The following PRKG1 variants were observed in gnomAD, a reference collection of about 807,000 sequenced individuals.
PRKG1 encodes the protein protein kinase cGMP-dependent 1, also known as cGMP-dependent protein kinase 1.
PRKG1 carries 35 observed loss-of-function variants against 88.1 expected under a neutral mutation model. The observed-to-expected ratio is 0.40, with a 90% CI of 0.30 to 0.53. PRKG1 has a LOEUF of 0.53. PRKG1 is among the 20% of genes least tolerant of loss of function. The probability of loss-of-function intolerance (pLI) is 0.59; values close to 1 mark genes in which losing one functional copy is unlikely to be tolerated. For synonymous variants in PRKG1, 303 were observed against 292.5 expected, an observed-to-expected ratio of 1.04 and a Z score of -0.37; for missense variants, 540 against 839.8, an observed-to-expected ratio of 0.64 and a Z score of 4.41.
At chr10:51,588,250 A>G (rs1335466475) in intron 3 of PRKG1, among the ~76,000 whole-genome samples, 2 of 152,198 alleles carry the variant, frequency 1.3e-5, no homozygotes, top group African/African-American at 4.8e-5. Flanking sequence ...GTTTTGGTAC[A>G]TCTTGGAAAA....
At chr10:52,131,039 A>G (rs1313137333) in intron 7 of PRKG1, among the ~76,000 whole-genome samples, 8 of 152,198 alleles carry the variant, frequency 5.3e-5, no homozygotes, top group African/African-American at 2.4e-5. Flanking sequence ...CATTTTACAG[A>G]TGAGGAAATT....
chr10:51,948,086 G>T (rs1843095591), intron 5 of PRKG1, among the ~76,000 whole-genome samples: 1 of 151,768 alleles, frequency 6.6e-6, no homozygotes, highest in South Asian at 2.1e-4. Flanking sequence ...TATTTTTGAT[G>T]AAAGAATAGA....
At chr10:51,578,419 C>T (rs548719017) in intron 3 of PRKG1, among the ~76,000 whole-genome samples, 93 of 152,232 alleles carry the variant, frequency 6.1e-4, no homozygotes, top group Admixed American at 1.0e-3. Context: ...ATTCTTCTGT[C>T]CAATCCTCAT....
chr10:51,698,303 C>A, intron 3 of PRKG1: 1 of 1,614,122 alleles, frequency 6.2e-7, no homozygotes, highest in Non-Finnish European at 8.5e-7. Flanking sequence ...CTCCATCGCT[C>A]GAGAATCTCT....
intron 3 of PRKG1, among the ~76,000 whole-genome samples, chr10:51,579,205 C>T (rs2132182746): frequency 6.6e-6 from 1 of 151,882 alleles, no homozygotes; most frequent in Non-Finnish European, 1.5e-5. Flanking sequence ...TGATCTTGAA[C>T]CCCTGACCTC....
In PRKG1 at chr10:51,882,581, T is replaced by C. The variant is rs570760212; in HGVS notation, c.699-24926T>C. 2.2e-4 allele frequency among the ~76,000 whole-genome samples: 34 copies of C among 152,280 alleles called. No homozygotes were observed. The South Asian group carries it at 7.0e-3, about 32-fold the overall frequency. On this transcript the variant is annotated intron_variant, in intron 4 of 17. Coordinates refer to ENST00000373980, the MANE Select transcript of PRKG1 (RefSeq NM_006258.4). The stretch of plus-strand genomic sequence containing the variant: ...TAGTTTGTAAGACTTAAAATGGAAA[T>C]ATGCAAGTCACATAGAGGAGGGAAT...
At chr10:51,834,482 T>C (rs1840077521) in intron 4 of PRKG1, among the ~76,000 whole-genome samples, 1 of 151,502 alleles carries the variant, frequency 6.6e-6, no homozygotes, top group Admixed American at 6.6e-5. Context: ...CTCTACAATA[T>C]ATACAAAAAT....
At chr10:51,824,752 C>A (rs1839841281) in intron 4 of PRKG1, among the ~76,000 whole-genome samples, 2 of 151,962 alleles carry the variant, frequency 1.3e-5, no homozygotes, top group African/African-American at 4.8e-5. Context: ...GGAGGAGGTG[C>A]CAGGCTCCTT....
At chr10:51,561,090 GAAGAAAAAGAAAAGAA>G (rs1160473537) in intron 3 of PRKG1, among the ~76,000 whole-genome samples, 4 of 151,314 alleles carry the variant, frequency 2.6e-5, no homozygotes, top group South Asian at 4.2e-4. Flanking sequence ...CTAAAAAAAA[GAAGAAAAAGAAAAGAA>G]AAGAAAAAGA....
intron 9 of PRKG1, among the ~76,000 whole-genome samples, chr10:52,211,192 A>G (rs151079366): frequency 1.7e-3 from 266 of 152,240 alleles, no homozygotes; most frequent in African/African-American, 5.7e-3. Context: ...GTATACACGT[A>G]TCATGTTCTG....
chr10:51,445,979 TG>T (rs1839261397), intron 2 of PRKG1, among the ~76,000 whole-genome samples: 1 of 151,904 alleles, frequency 6.6e-6, no homozygotes, highest in African/African-American at 2.4e-5. Context: ...TGCTTGAAAG[TG>T]GGGGTATGCA....
At chr10:51,119,288 A>G (rs1202971922) in intron 1 of PRKG1, among the ~76,000 whole-genome samples, 5 of 152,084 alleles carry the variant, frequency 3.3e-5, no homozygotes, top group Non-Finnish European at 7.4e-5. Context: ...ACAGTCTTTG[A>G]GTTATTGATC....
chr10:51,399,650 G>A (rs1837679747), intron 2 of PRKG1, among the ~76,000 whole-genome samples: 1 of 152,242 alleles, frequency 6.6e-6, no homozygotes, highest in African/African-American at 2.4e-5. Context: ...TTCTTAGTAG[G>A]TAGGCATGAC....
chr10:52,273,383 G>C (rs984640192), intron 12 of PRKG1, among the ~76,000 whole-genome samples: 3 of 151,944 alleles, frequency 2.0e-5, no homozygotes, highest in Non-Finnish European at 2.9e-5. Flanking sequence ...ATTTGTTTGA[G>C]TCCTGCCTCC....
intron 2 of PRKG1, among the ~76,000 whole-genome samples, chr10:51,168,417 ATG>A (rs542763064): frequency 1.3e-5 from 2 of 152,286 alleles, no homozygotes; most frequent in African/African-American, 4.8e-5. Flanking sequence ...TTTAATTAAA[ATG>A]TATTATTTAA....
At chr10:52,174,356 A>G (rs558668337) in intron 9 of PRKG1, among the ~76,000 whole-genome samples, 19 of 152,106 alleles carry the variant, frequency 1.2e-4, no homozygotes, top group African/African-American at 3.9e-4. Context: ...AGCAACAGCT[A>G]GGAGAGTATA....
intron 5 of PRKG1, among the ~76,000 whole-genome samples, chr10:52,016,224 A>G (rs1315520094): frequency 6.6e-6 from 1 of 152,220 alleles, no homozygotes; most frequent in African/African-American, 2.4e-5. Context: ...AGTTTAATTG[A>G]CTCACAGTTC....
intron 4 of PRKG1, among the ~76,000 whole-genome samples, chr10:51,894,048 T>C (rs1041425294): frequency 6.6e-6 from 1 of 152,204 alleles, no homozygotes; most frequent in Non-Finnish European, 1.5e-5. Context: ...GAAGCAGTTG[T>C]CCTTGAGTTT....
intron 7 of PRKG1, among the ~76,000 whole-genome samples, chr10:52,081,949 A>T (rs1030677835): frequency 5.3e-5 from 8 of 152,222 alleles, no homozygotes; most frequent in African/African-American, 1.2e-4. Flanking sequence ...GTCCATTCTC[A>T]TGCTGCTATA....
Sources: gnomAD v4.1 joint callset for allele counts (sites outside exome capture counted in the v4.1 genomes callset) on GRCh38, gnomAD v4.1.1 for gene constraint, MANE v1.5 for transcripts, NCBI Gene and HGNC (gene_info 2026-07-23, HGNC 2026-07-21) for gene names.